Variants in SLC66A2 observed in about 807,000 individuals in gnomAD.
SLC66A2 encodes solute carrier family 66 member 2.
SLC66A2 carries 23 observed loss-of-function variants against 25.5 expected under a neutral mutation model. The ratio of observed to expected loss-of-function variants is 0.90; its 90% CI spans 0.65 to 1.28. The LOEUF (loss-of-function observed/expected upper bound fraction) is 1.28. Ranked by LOEUF, SLC66A2 falls within the 50% of genes most tolerant of loss-of-function variation. The pLI is 0.00. For missense variants in SLC66A2, 396 were observed against 373.1 expected, an observed-to-expected ratio of 1.06 and a Z score of -0.51; for synonymous variants, 193 against 166.5, an observed-to-expected ratio of 1.16 and a Z score of -1.23.
At position 79,912,518 on chromosome 18, in the gene SLC66A2, A is replaced by G. The variant is rs574666737; in HGVS notation, c.608+6666T>C. On this transcript the variant is annotated intron_variant, in intron 5 of 5. Transcript: ENST00000397778. ...ACATATCGCCAGGCCACGTGTCGCC[A>G]GGCCACGTGTCACCAGGCCACGTGT... 7.3e-5 allele frequency among the ~76,000 whole-genome samples: 11 copies of G among 151,616 alleles called. No homozygotes were observed. In the East Asian group the frequency reaches 1.4e-3, roughly 19 times the overall value.
intron 4 of SLC66A2, among the ~76,000 whole-genome samples, chr18:79,926,658 CTCTT>C (rs964206650): frequency 7.0e-5 from 9 of 128,096 alleles, no homozygotes; most frequent in African/African-American, 2.4e-4. Context: ...GAGGAAATTG[CTCTT>C]TTTTTTTTTT....
At position 79,942,396 on chromosome 18, in the gene SLC66A2, C is replaced by T. The variant is rs537715333; in HGVS notation, c.337+933G>A. On this transcript the variant is annotated intron_variant, in intron 3 of 5. Transcript: ENST00000397778. The stretch of plus-strand genomic sequence containing the variant: ...ACAGAGGCTGAAAGCAGCACACAGT[C>T]ACCTCAGTCTAGAAACAGAAGCAGA... Among the ~76,000 whole-genome samples the T allele has an allele frequency of 7.0e-4, 107 of 152,310 alleles. 1 individual carries two copies. The highest frequency in any genetic ancestry group is 2.5e-3 in the African/African-American group (104 of 41,572).
rs964413506 is a variant in SLC66A2 at position 79,927,854 on chromosome 18, C to T, written c.391+6115G>A. 1.3e-5 allele frequency among the ~76,000 whole-genome samples: 2 copies of T among 152,254 alleles called. No homozygotes were observed. Among genetic ancestry groups the T allele is most frequent in the African/African-American group, 2.4e-5 (1 of 41,472 alleles). On this transcript the variant is annotated intron_variant, in intron 4 of 5. Coordinates refer to ENST00000397778, the MANE Select transcript of SLC66A2 (RefSeq NM_025078.5). The surrounding 1 kb of genome is among the most constrained non-coding windows in gnomAD (Gnocchi z 6.2). ...ACCCAAGGCTGCCCAGACAGACAAG[C>T]GCTCACCGCCGCACTGCCCTAACAG...
intron 2 of SLC66A2, among the ~76,000 whole-genome samples, chr18:79,945,460 C>T (rs1448140412): frequency 6.6e-6 from 1 of 152,124 alleles, no homozygotes; most frequent in African/African-American, 2.4e-5. Context: ...GGCACACAAG[C>T]TGTACCTCCA....
chr18:79,941,274 C>T lies in SLC66A2; in HGVS notation c.337+2055G>A, dbSNP rs1348996165. Reference sequence around the variant, plus strand: ...CAGAGAGCCAGGCCCTCAGCTCCAGCACCTGACCATCTCCTCTGCGGCCCT... The same window carrying T: ...CAGAGAGCCAGGCCCTCAGCTCCAGTACCTGACCATCTCCTCTGCGGCCCT... On this transcript the variant is annotated intron_variant, in intron 3 of 5. Coordinates refer to ENST00000397778, the MANE Select transcript of SLC66A2 (RefSeq NM_025078.5). The surrounding 1 kb of genome is among the most constrained non-coding windows in gnomAD (Gnocchi z 4.1). Among the ~76,000 whole-genome samples the T allele has an allele frequency of 6.6e-6, 1 of 152,190 alleles. No individual in the cohort carries two copies. The highest frequency in any genetic ancestry group is 2.4e-5 in the African/African-American group (1 of 41,442).
At chr18:79,910,575 G>A (rs1195661940) in intron 5 of SLC66A2, among the ~76,000 whole-genome samples, 2 of 152,138 alleles carry the variant, frequency 1.3e-5, no homozygotes, top group East Asian at 3.8e-4. Context: ...ACACATGAAT[G>A]AACTAAGCTG....
At chr18:79,924,454 T>C (rs1488614668) in intron 4 of SLC66A2, among the ~76,000 whole-genome samples, 1 of 152,040 alleles carries the variant, frequency 6.6e-6, no homozygotes, top group East Asian at 1.9e-4. Flanking sequence ...AGGAAACTGG[T>C]TCGAAGGGGT....
At chr18:79,906,423 G>T (rs1982137491) in intron 5 of SLC66A2, among the ~76,000 whole-genome samples, 1 of 152,108 alleles carries the variant, frequency 6.6e-6, no homozygotes, top group African/African-American at 2.4e-5. Context: ...TTTTGATATG[G>T]TGGTGTATTT....
At chr18:79,943,513 C>T in intron 2 of SLC66A2, 51 bp from the exon 3 acceptor site, 1 of 1,591,398 alleles carries the variant, frequency 6.3e-7, no homozygotes, top group South Asian at 1.1e-5. Flanking sequence ...GCCACTTCTC[C>T]CAGTCCCGAA....
In SLC66A2 at chr18:79,946,700, G is replaced by A. The variant is rs139859254; in HGVS notation, c.204-3238C>T. On this transcript the variant is annotated intron_variant, in intron 2 of 5. Transcript: ENST00000397778. ...AACTCAAGCAGGGCTGGGCACAGTG[G>A]CTCACACCTGTAATCCCAGCACTTT... Among the ~76,000 whole-genome samples the A allele has an allele frequency of 3.3e-5, 5 of 152,350 alleles. No homozygotes were observed. In the East Asian group the frequency reaches 9.6e-4, roughly 29 times the overall value.
intron 5 of SLC66A2, among the ~76,000 whole-genome samples, chr18:79,914,237 C>T (rs1188702270): frequency 6.6e-6 from 1 of 152,208 alleles, no homozygotes. Context: ...CTGTTAAGTA[C>T]GTGTGTGTGC....
intron 3 of SLC66A2, among the ~76,000 whole-genome samples, chr18:79,942,035 A>G (rs991074658): frequency 3.9e-5 from 6 of 152,234 alleles, no homozygotes; most frequent in African/African-American, 1.4e-4. Flanking sequence ...TGCCATGAGG[A>G]GCTCAGGTCC....
chr18:79,943,513 CCAGTCCCGAACCTG>C (rs1434485272), intron 2 of SLC66A2, 51 bp from the exon 3 acceptor site: 1 of 1,591,398 alleles, frequency 6.3e-7, no homozygotes, highest in Non-Finnish European at 8.6e-7. Flanking sequence ...GCCACTTCTC[CCAGTCCCGAACCTG>C]CAGCGGGAGA....
intron 4 of SLC66A2, among the ~76,000 whole-genome samples, chr18:79,922,011 G>C (rs2144800960): frequency 1.3e-5 from 2 of 148,408 alleles, no homozygotes; most frequent in East Asian, 3.9e-4. Context: ...GGAGAGACGG[G>C]AACTTGGGAG....
intron 3 of SLC66A2, among the ~76,000 whole-genome samples, chr18:79,939,459 G>A (rs1987441933): frequency 2.0e-5 from 3 of 152,196 alleles, no homozygotes; most frequent in African/African-American, 4.8e-5. Flanking sequence ...ACAACCTACA[G>A]ATGGGAGAAA....
At chr18:79,928,670 G>A (rs975527665) in intron 4 of SLC66A2, among the ~76,000 whole-genome samples, 1 of 152,144 alleles carries the variant, frequency 6.6e-6, no homozygotes, top group Non-Finnish European at 1.5e-5. Context: ...ATCCCCATGT[G>A]ACAAAAGCTC....
intron 5 of SLC66A2, among the ~76,000 whole-genome samples, chr18:79,908,842 G>C (rs910358834): frequency 7.9e-5 from 12 of 152,082 alleles, no homozygotes; most frequent in Non-Finnish European, 1.5e-4. Context: ...TATCTATTTG[G>C]TTTTCTTTAA....
intron 5 of SLC66A2, among the ~76,000 whole-genome samples, chr18:79,907,369 T>TTTG (rs1982285753): frequency 9.2e-6 from 1 of 108,458 alleles, no homozygotes; most frequent in African/African-American, 3.1e-5. Flanking sequence ...TTTTTTTTTT[T>TTTG]GAGAAGGAGT....
intron 5 of SLC66A2, among the ~76,000 whole-genome samples, chr18:79,910,855 T>G (rs1568294690): frequency 6.6e-6 from 1 of 152,252 alleles, no homozygotes; most frequent in Non-Finnish European, 1.5e-5. Flanking sequence ...ACAAGTTAAC[T>G]GTGAACAACT....
Sources: gnomAD v4.1 joint callset for allele counts (sites outside exome capture counted in the v4.1 genomes callset) on GRCh38, gnomAD v4.1.1 for gene constraint, Gnocchi (gnomAD v3.1) non-coding constraint, MANE v1.5 for transcripts, NCBI Gene and HGNC (gene_info 2026-07-23, HGNC 2026-07-21) for gene names.